The following MSH3 variants were observed in gnomAD, a reference collection of about 807,000 sequenced individuals.
The protein encoded by MSH3 is DNA mismatch repair protein Msh3.
Under a neutral mutation model 123.3 loss-of-function variants are expected in MSH3, and 106 were observed. That is an observed-to-expected ratio of 0.86 (90% CI 0.73 to 1.01). The LOEUF is 1.01. Ranked by LOEUF, MSH3 falls within the 50% of genes least tolerant of loss-of-function variation. MSH3 has a pLI of 0.00. For missense variants in MSH3, 1,459 were observed against 1,347.6 expected (o/e 1.08, Z -1.29); for synonymous variants, 515 against 481.4 (o/e 1.07, Z -0.91).
intron 20 of MSH3, among the ~76,000 whole-genome samples, chr5:80,844,612 G>T (rs796786853): frequency 1.3e-5 from 2 of 152,296 alleles, no homozygotes; most frequent in African/African-American, 4.8e-5. Context: ...ATTTAGGATA[G>T]TTAAGTCTTC....
At chr5:80,852,889 A>G (rs868432205) in intron 20 of MSH3, among the ~76,000 whole-genome samples, 37 of 152,332 alleles carry the variant, frequency 2.4e-4, no homozygotes, top group Middle Eastern at 3.4e-3. Flanking sequence ...TTTGTGAACT[A>G]TTGTAGCAAA....
rs182675335 is a variant in MSH3 at position 80,669,800 on chromosome 5, T to G, written c.580-297T>G. 1.8e-4 allele frequency among the ~76,000 whole-genome samples: 28 copies of G among 152,338 alleles called. No individual in the cohort carries two copies. In the East Asian group the frequency reaches 5.4e-3, roughly 29 times the overall value. On this transcript the variant is annotated intron_variant, in intron 3 of 23. Coordinates refer to ENST00000265081, the MANE Select transcript of MSH3 (RefSeq NM_002439.5). The stretch of plus-strand genomic sequence containing the variant: ...AAAAGAAAATAAGTGTTAATAATAA[T>G]AGATTTAATGAAATCAAATTTAAAA...
intron 20 of MSH3, among the ~76,000 whole-genome samples, chr5:80,838,830 A>G (rs1429050812): frequency 6.6e-6 from 1 of 152,194 alleles, no homozygotes; most frequent in African/African-American, 2.4e-5. Context: ...TGCTGTTTCT[A>G]CCATGTTTAG....
At chr5:80,825,122 T>C (rs1174916202) in intron 20 of MSH3, among the ~76,000 whole-genome samples, 1 of 152,180 alleles carries the variant, frequency 6.6e-6, no homozygotes, top group African/African-American at 2.4e-5. Flanking sequence ...AATTCAGACG[T>C]ATAATAATCC....
intron 20 of MSH3, among the ~76,000 whole-genome samples, chr5:80,847,358 ATTT>A (rs752946570): frequency 7.1e-6 from 1 of 141,276 alleles, no homozygotes; most frequent in Non-Finnish European, 1.6e-5. Context: ...CTGGCTGAAT[ATTT>A]TTTTTTTTTT....
At chr5:80,670,392 C>A in intron 4 of MSH3, 83 bp downstream of exon 4, 1 of 1,379,024 alleles carries the variant, frequency 7.3e-7, no homozygotes, top group South Asian at 1.2e-5. Context: ...CATTTTCTGA[C>A]CTTATATAAA....
chr5:80,743,495 A>G (rs1309180898), intron 11 of MSH3, among the ~76,000 whole-genome samples: 1 of 152,092 alleles, frequency 6.6e-6, no homozygotes, highest in Non-Finnish European at 1.5e-5. Flanking sequence ...TATGTTCAGC[A>G]CATAGGAGGT....
intron 7 of MSH3, 106 bp from the exon 8 acceptor site, chr5:80,678,821 T>A (rs1749898484): frequency 8.0e-7 from 1 of 1,243,092 alleles, no homozygotes; most frequent in African/African-American, 1.5e-5. Flanking sequence ...AGTACATACA[T>A]ACTCCTGAGT....
chr5:80,814,450 T>A (rs1408675040), intron 20 of MSH3, among the ~76,000 whole-genome samples: 1 of 148,752 alleles, frequency 6.7e-6, no homozygotes, highest in Non-Finnish European at 1.5e-5. Context: ...TTTTGTATTT[T>A]TAGTAGAGAC....
At chr5:80,762,466 A>G (rs1316977654) in intron 13 of MSH3, among the ~76,000 whole-genome samples, 1 of 151,676 alleles carries the variant, frequency 6.6e-6, no homozygotes, top group East Asian at 1.9e-4. Context: ...AAATGCTGCA[A>G]CCACTTGAAT....
chr5:80,722,976 G>T (rs900719423), intron 8 of MSH3, among the ~76,000 whole-genome samples: 1 of 152,050 alleles, frequency 6.6e-6, no homozygotes. Context: ...GCGTGGTAAT[G>T]CCTATCTGTA....
intron 2 of MSH3, among the ~76,000 whole-genome samples, chr5:80,662,962 C>A (rs968425839): frequency 2.6e-5 from 4 of 152,136 alleles, no homozygotes; most frequent in Non-Finnish European, 5.9e-5. Context: ...AAGCCAGGAG[C>A]AGTGGCTCAC....
At chr5:80,682,468 C>T (rs2112821770) in intron 8 of MSH3, among the ~76,000 whole-genome samples, 1 of 151,984 alleles carries the variant, frequency 6.6e-6, no homozygotes, top group Admixed American at 6.6e-5. Flanking sequence ...GCTTGTAATC[C>T]CAGCAGTTTG....
chr5:80,869,549 C>T (rs946576791), intron 22 of MSH3, among the ~76,000 whole-genome samples: 9 of 151,780 alleles, frequency 5.9e-5, no homozygotes, highest in Non-Finnish European at 2.9e-5. Flanking sequence ...ATCCCCCAGG[C>T]GATTATAGAA....
At chr5:80,729,367 G>C in intron 10 of MSH3, among the ~76,000 whole-genome samples, 1 of 136,160 alleles carries the variant, frequency 7.3e-6, no homozygotes, top group Non-Finnish European at 1.5e-5. Flanking sequence ...AGTCAGCCCA[G>C]ATCCCACCAC....
intron 17 of MSH3, among the ~76,000 whole-genome samples, chr5:80,785,663 A>G (rs1744492950): frequency 6.6e-6 from 1 of 152,126 alleles, no homozygotes; most frequent in South Asian, 2.1e-4. Context: ...AGGACTATAA[A>G]TCATGCTGCT....
At chr5:80,783,859 A>G (rs1744451311) in intron 17 of MSH3, among the ~76,000 whole-genome samples, 1 of 152,158 alleles carries the variant, frequency 6.6e-6, no homozygotes, top group Admixed American at 6.6e-5. Context: ...TGGGTCAGTA[A>G]TTAGAACAAA....
chr5:80,722,599 T>G (rs1182007502), intron 8 of MSH3, among the ~76,000 whole-genome samples: 1 of 152,198 alleles, frequency 6.6e-6, no homozygotes, highest in Non-Finnish European at 1.5e-5. Flanking sequence ...CCAACACCTG[T>G]TCCTGTTTCA....
intron 12 of MSH3, among the ~76,000 whole-genome samples, chr5:80,749,266 G>C (rs868674151): frequency 6.6e-6 from 1 of 152,134 alleles, no homozygotes; most frequent in East Asian, 1.9e-4. Flanking sequence ...TCAGTTTGTC[G>C]CCAAAGGGCA....
Sources: allele counts gnomAD v4.1 joint callset (sites outside exome capture counted in the v4.1 genomes callset), GRCh38; gene constraint gnomAD v4.1.1; transcripts MANE v1.5; gene names NCBI Gene and HGNC (gene_info 2026-07-23, HGNC 2026-07-21).